Variants in TMPRSS15 observed in about 807,000 individuals in gnomAD.
TMPRSS15 encodes transmembrane serine protease 15, also known as enteropeptidase.
A neutral mutation model predicts 125.3 loss-of-function variants in TMPRSS15; 128 were observed. That is an observed-to-expected ratio of 1.02 (90% CI 0.89 to 1.18). The LOEUF is 1.18. TMPRSS15 is among the 50% of genes most tolerant of loss of function. TMPRSS15 has a pLI of 0.00. For synonymous variants in TMPRSS15, 446 were observed against 423.2 expected (o/e 1.05, Z -0.66); for missense variants, 1,283 against 1,212.7 (o/e 1.06, Z -0.86).
intron 6 of TMPRSS15, among the ~76,000 whole-genome samples, chr21:18,367,070 CTTAAGT>C (rs1451088901): frequency 6.6e-6 from 1 of 151,362 alleles, no homozygotes; most frequent in Non-Finnish European, 1.5e-5. Context: ...ACTTTGGTAA[CTTAAGT>C]TTATTATTCA....
chr21:18,465,521 C>T lies in TMPRSS15; in HGVS notation c.10+20278G>A, dbSNP rs141168929. ...GTGTATTTAGAAAACCCCATTGTCT[C>T]GGCCTAAAATCTCCTTAAGCTGATA... is the stretch of plus-strand genomic sequence containing the variant. On this transcript the variant is annotated intron_variant, in intron 1 of 7. Transcript: ENST00000422787. 3.9e-3 allele frequency among the ~76,000 whole-genome samples: 597 copies of T among 152,210 alleles called. 4 individuals carry two copies. Among genetic ancestry groups the T allele is most frequent in the African/African-American group, 0.014 (572 of 41,540 alleles).
Position 18,269,825 on chromosome 21 carries a change from G to T in TMPRSS15, c.*144C>A. On this transcript the variant is annotated 3_prime_UTR_variant, in exon 25 of 25. Transcript: ENST00000284885. Reference sequence around the variant, plus strand: ...ATTATTTTTAAAATTTTGTTTCCCTGGCCCCCTAGCATTTCATTGACATAG... The same window carrying T: ...ATTATTTTTAAAATTTTGTTTCCCTTGCCCCCTAGCATTTCATTGACATAG... 1.0e-6 allele frequency: 1 copy of T among 953,086 alleles called. No homozygotes were observed. Among genetic ancestry groups the T allele is most frequent in the Non-Finnish European group, 1.6e-6 (1 of 638,966 alleles). 59.0% of individuals were successfully genotyped at this position (953,086 alleles called of 1,614,324 possible).
At chr21:18,448,055 AG>A (rs2076259342) in intron 1 of TMPRSS15, among the ~76,000 whole-genome samples, 1 of 152,204 alleles carries the variant, frequency 6.6e-6, no homozygotes, top group South Asian at 2.1e-4. Context: ...AGTAGTATAA[AG>A]GTTCTTCAAA....
At chr21:18,303,539 A>C (rs1206220684) in intron 18 of TMPRSS15, among the ~76,000 whole-genome samples, 1 of 152,192 alleles carries the variant, frequency 6.6e-6, no homozygotes, top group East Asian at 1.9e-4. Context: ...ATGAATAAGG[A>C]AGGTTTTGTT....
chr21:18,392,230 T>C (rs1169599570), intron 3 of TMPRSS15, among the ~76,000 whole-genome samples: 1 of 152,156 alleles, frequency 6.6e-6, no homozygotes, highest in East Asian at 1.9e-4. Flanking sequence ...AGGAAATGGG[T>C]TTTTCTTTCT....
intron 10 of TMPRSS15, among the ~76,000 whole-genome samples, chr21:18,345,395 AATTTACCTTACT>A (rs1370348524): frequency 2.6e-5 from 4 of 152,004 alleles, no homozygotes; most frequent in Admixed American, 1.3e-4. Flanking sequence ...ATCGCTTTTG[AATTTACCTTACT>A]TTTGATTACT....
chr21:18,321,496 G>A (rs913859745), intron 16 of TMPRSS15, among the ~76,000 whole-genome samples: 2 of 151,702 alleles, frequency 1.3e-5, no homozygotes, highest in Admixed American at 6.6e-5. Flanking sequence ...GGGACTACAG[G>A]TGCCTGCCAC....
rs1194185245 is a variant in TMPRSS15 at position 18,368,915 on chromosome 21, A to AT, written c.664+3277dup. Among the ~76,000 whole-genome samples the AT allele has an allele frequency of 3.9e-5, 6 of 152,222 alleles. No individual in the cohort carries two copies. The South Asian group carries it at 6.2e-4, about 16-fold the overall frequency. On this transcript the variant is annotated intron_variant, in intron 6 of 24. Coordinates refer to ENST00000284885, the MANE Select transcript of TMPRSS15 (RefSeq NM_002772.3). ...GCTTGTGTAAGGCACTTTCTTATAC[A>AT]TTTTTTTCATTTAATTTCAGGATGT...
chr21:18,453,108 C>A (rs545059628), intron 1 of TMPRSS15, among the ~76,000 whole-genome samples: 17 of 152,130 alleles, frequency 1.1e-4, no homozygotes, highest in Non-Finnish European at 2.1e-4. Context: ...ATAAACAACC[C>A]CACATTTTTA....
intron 1 of TMPRSS15, among the ~76,000 whole-genome samples, chr21:18,402,544 A>G (rs1026484401): frequency 3.3e-5 from 5 of 151,492 alleles, no homozygotes; most frequent in East Asian, 1.9e-4. Context: ...AAAAAAAAAA[A>G]AGAGAGAATT....
At chr21:18,483,244 A>C (rs76076577) in intron 1 of TMPRSS15, among the ~76,000 whole-genome samples, 2,417 of 151,914 alleles carry the variant, frequency 0.016, 70 homozygotes, top group African/African-American at 0.054. Context: ...AGTTCAGATA[A>C]AATGTGAGTT....
intron 11 of TMPRSS15, 63 bp from the exon 12 acceptor site, chr21:18,343,719 G>A (rs2075475216): frequency 3.3e-6 from 5 of 1,530,698 alleles, no homozygotes; most frequent in Middle Eastern, 2.0e-4. Flanking sequence ...CCTTTTCAGA[G>A]CTTTTCTACA....
At chr21:18,398,411 A>G (rs2123126033) in intron 1 of TMPRSS15, 82 bp from the exon 2 acceptor site, 2 of 1,464,320 alleles carry the variant, frequency 1.4e-6, no homozygotes, top group Non-Finnish European at 1.9e-6. Flanking sequence ...AAGACATAGA[A>G]GTAAAGCTCT....
At chr21:18,329,846 T>G (rs190191047) in intron 14 of TMPRSS15, among the ~76,000 whole-genome samples, 189 of 152,032 alleles carry the variant, frequency 1.2e-3, no homozygotes, top group African/African-American at 4.3e-3. Flanking sequence ...ACCTTCAGAT[T>G]TTTTTCTAGG....
chr21:18,386,430 G>A lies in TMPRSS15; in HGVS notation c.345-2652C>T, dbSNP rs570916950. ...ACATTTACCCTAAAGGCATGTCCAGGTATTTTATTCTGTTGCATAGTTAGC... is the reference window on the plus strand; with the variant it reads ...ACATTTACCCTAAAGGCATGTCCAGATATTTTATTCTGTTGCATAGTTAGC... On this transcript the variant is annotated intron_variant, in intron 3 of 24. Coordinates refer to ENST00000284885, the MANE Select transcript of TMPRSS15 (RefSeq NM_002772.3). Among the ~76,000 whole-genome samples, 18 of 152,182 alleles carry A rather than the reference G, an allele frequency of 1.2e-4. No homozygotes were observed. In the East Asian group the frequency reaches 2.7e-3, roughly 23 times the overall value.
chr21:18,275,364 C>T, intron 23 of TMPRSS15, 28 bp from the exon 24 acceptor site: 1 of 1,613,116 alleles, frequency 6.2e-7, no homozygotes, highest in Non-Finnish European at 8.5e-7. Flanking sequence ...TGCAGCCAGC[C>T]AGTCAGAAGT....
chr21:18,479,242 G>T (rs928155920), intron 1 of TMPRSS15, among the ~76,000 whole-genome samples: 2 of 151,738 alleles, frequency 1.3e-5, no homozygotes, highest in Non-Finnish European at 1.5e-5. Flanking sequence ...CTATATGATT[G>T]GAATCTACAC....
At chr21:18,351,724 A>G (rs2075571453) in intron 10 of TMPRSS15, among the ~76,000 whole-genome samples, 2 of 152,158 alleles carry the variant, frequency 1.3e-5, no homozygotes, top group African/African-American at 2.4e-5. Flanking sequence ...CAGTGTGAAA[A>G]TGGACTAATA....
At chr21:18,386,830 C>T (rs1333566773) in intron 3 of TMPRSS15, among the ~76,000 whole-genome samples, 2 of 152,120 alleles carry the variant, frequency 1.3e-5, no homozygotes, top group African/African-American at 4.8e-5. Flanking sequence ...TTTGACTGAA[C>T]ACTTGCTTTC....
Sources: allele counts gnomAD v4.1 joint callset (sites outside exome capture counted in the v4.1 genomes callset), GRCh38; gene constraint gnomAD v4.1.1; transcripts MANE v1.5; gene names NCBI Gene and HGNC (gene_info 2026-07-23, HGNC 2026-07-21).